KREMEN1: variants seen among roughly 807,000 people sequenced by gnomAD.
The protein encoded by KREMEN1 is kringle containing transmembrane protein 1.
KREMEN1 carries 30 observed loss-of-function variants against 46.5 expected under a neutral mutation model. The observed-to-expected ratio is 0.65, with a 90% CI of 0.48 to 0.88. KREMEN1 has a LOEUF of 0.88. Ranked by LOEUF, KREMEN1 falls within the 40% of genes least tolerant of loss-of-function variation. The pLI is 0.00. For missense variants in KREMEN1, 533 were observed against 596.9 expected (o/e 0.89, Z 1.11); for synonymous variants, 214 against 230.6 (o/e 0.93, Z 0.65).
chr22:29,138,290 A>G (rs2038702438), intron 6 of KREMEN1, among the ~76,000 whole-genome samples: 1 of 152,234 alleles, frequency 6.6e-6, no homozygotes, highest in Non-Finnish European at 1.5e-5. Flanking sequence ...CTTGAGGAAC[A>G]GGTAGCATTT....
Position 29,144,277 on chromosome 22 carries a change from G to A in KREMEN1, c.*2165G>A, listed in dbSNP as rs912797956. On this transcript the variant is annotated 3_prime_UTR_variant, in exon 9 of 9. Coordinates refer to ENST00000400335, the MANE Select transcript of KREMEN1 (RefSeq NM_001039570.3). ...ACCTGCCGCCCCTGGGAGGAAAGAG[G>A]GCCACACAGGAAGTGTCTGCAGGGA... 4.5e-5 allele frequency: 44 copies of A among 985,540 alleles called. No individual in the cohort carries two copies. Among genetic ancestry groups the A allele is most frequent in the Admixed American group, 3.7e-4 (6 of 16,272 alleles). The allele number at this position is 985,540 out of a possible 1,614,324, so 61.0% of individuals were successfully genotyped here.
chr22:29,155,936 G>A (rs182545700), intron 9 of KREMEN1, among the ~76,000 whole-genome samples: 12 of 149,612 alleles, frequency 8.0e-5, no homozygotes, highest in Non-Finnish European at 1.8e-4. Context: ...TCCAGCCTGG[G>A]CAACAAGAGT....
chr22:29,086,451 G>T (rs2037729941), intron 1 of KREMEN1, among the ~76,000 whole-genome samples: 1 of 152,134 alleles, frequency 6.6e-6, no homozygotes. Flanking sequence ...TGTAATTGTA[G>T]AAATCACTGC....
chr22:29,090,782 T>C (rs925644666), intron 1 of KREMEN1, among the ~76,000 whole-genome samples: 1 of 152,188 alleles, frequency 6.6e-6, no homozygotes, highest in Non-Finnish European at 1.5e-5. Flanking sequence ...CTTTTCTCTG[T>C]AATTGATATG....
intron 5 of KREMEN1, among the ~76,000 whole-genome samples, chr22:29,128,659 C>G (rs555935244): frequency 9.8e-5 from 15 of 152,324 alleles, no homozygotes; most frequent in African/African-American, 3.4e-4. Flanking sequence ...ATTATAACAA[C>G]AATTATTGCT....
chr22:29,120,551 A>C (rs1284234848), intron 3 of KREMEN1, among the ~76,000 whole-genome samples: 1 of 147,996 alleles, frequency 6.8e-6, no homozygotes, highest in Non-Finnish European at 1.5e-5. Flanking sequence ...GGGAGAGGTG[A>C]CGATGGAAAC....
chr22:29,144,804 C>T lies in KREMEN1; in HGVS notation c.*2692C>T, dbSNP rs1030996341. 97 of 985,452 alleles carry T rather than the reference C, an allele frequency of 9.8e-5. No homozygotes were observed. The highest frequency in any genetic ancestry group is 1.1e-4 in the Non-Finnish European group (94 of 830,020). The allele number at this position is 985,452 out of a possible 1,614,324, so 61.0% of individuals were successfully genotyped here. On this transcript the variant is annotated 3_prime_UTR_variant, in exon 9 of 9. Transcript: ENST00000400335. ...GCAGCCCAAATGCCCACCTTGCCCT[C>T]CTCACATCTCAGTCAGGGGAGGCCA...
chr22:29,164,815 A>T (rs2039040316), intron 9 of KREMEN1, among the ~76,000 whole-genome samples: 1 of 150,470 alleles, frequency 6.6e-6, no homozygotes, highest in South Asian at 2.1e-4. Context: ...TGGGTCAGGG[A>T]TTCAAGAGCA....
At chr22:29,117,823 GAATT>G (rs1464182681) in intron 3 of KREMEN1, among the ~76,000 whole-genome samples, 1 of 152,144 alleles carries the variant, frequency 6.6e-6, no homozygotes, top group African/African-American at 2.4e-5. Context: ...GACCCATGAT[GAATT>G]AATTTCTTTA....
At position 29,127,714 on chromosome 22, in the gene KREMEN1, C is replaced by T. The variant is rs141586915; in HGVS notation, c.631+2298C>T. On this transcript the variant is annotated intron_variant, in intron 5 of 8. Coordinates refer to ENST00000400335, the MANE Select transcript of KREMEN1 (RefSeq NM_001039570.3). ...ACGTGAACAGAGAGTAACTGTATGACCCAGCAATTCCATTCTTAGGTATAT... is the reference window on the plus strand; with the variant it reads ...ACGTGAACAGAGAGTAACTGTATGATCCAGCAATTCCATTCTTAGGTATAT... Among the ~76,000 whole-genome samples the T allele has an allele frequency of 3.5e-3, 536 of 151,956 alleles. 7 individuals are homozygous for T. The East Asian group carries it at 0.038, about 11-fold the overall frequency.
intron 2 of KREMEN1, among the ~76,000 whole-genome samples, chr22:29,095,905 A>G (rs753572013): frequency 3.9e-5 from 6 of 152,050 alleles, no homozygotes; most frequent in Non-Finnish European, 7.4e-5. Flanking sequence ...CACCACAAAT[A>G]TATGTGGTTT....
chr22:29,131,638 ATGTG>A (rs1159415924), intron 5 of KREMEN1, among the ~76,000 whole-genome samples: 1 of 125,766 alleles, frequency 8.0e-6, no homozygotes, highest in South Asian at 2.8e-4. Flanking sequence ...ATGTATATAT[ATGTG>A]TGTATATATA....
rs116391740 is a variant in KREMEN1, at chr22:29,106,535, G to A, written c.352+7582G>A. Reference sequence around the variant, plus strand: ...TTTTCAACAATCCTATGAAGCAGGTGGCATGTCTACTCTCCCGCCTCCATT... The same window carrying A: ...TTTTCAACAATCCTATGAAGCAGGTAGCATGTCTACTCTCCCGCCTCCATT... On this transcript the variant is annotated intron_variant, in intron 3 of 8. Transcript: ENST00000400335. Among the ~76,000 whole-genome samples the A allele has an allele frequency of 8.2e-3, 1,243 of 152,150 alleles. 15 individuals carry two copies. The highest frequency in any genetic ancestry group is 0.028 in the African/African-American group (1,165 of 41,506).
At chr22:29,141,880 C>T (rs1428248779) in intron 8 of KREMEN1, 64 bp from the exon 9 acceptor site, 11 of 1,311,764 alleles carry the variant, frequency 8.4e-6, no homozygotes, top group South Asian at 4.5e-5. Flanking sequence ...TACAGTATCT[C>T]GTGAGATGGT....
intron 3 of KREMEN1, among the ~76,000 whole-genome samples, chr22:29,107,402 T>C (rs769559165): frequency 5.9e-5 from 9 of 152,014 alleles, no homozygotes; most frequent in African/African-American, 1.2e-4. Flanking sequence ...TTTGTATTTT[T>C]AGTAGAGACG....
At chr22:29,089,107 T>C (rs1202815690) in intron 1 of KREMEN1, among the ~76,000 whole-genome samples, 1 of 152,224 alleles carries the variant, frequency 6.6e-6, no homozygotes, top group African/African-American at 2.4e-5. Context: ...CTATTCTCTC[T>C]ACACGTAAGT....
chr22:29,131,214 C>T (rs2038528200), intron 5 of KREMEN1, among the ~76,000 whole-genome samples: 1 of 152,016 alleles, frequency 6.6e-6, no homozygotes, highest in African/African-American at 2.4e-5. Context: ...GATGAATAAA[C>T]TGAGATATAC....
chr22:29,163,948 T>TG (rs2039032819), intron 9 of KREMEN1, among the ~76,000 whole-genome samples: 2 of 151,088 alleles, frequency 1.3e-5, no homozygotes. Flanking sequence ...AACGAGGTCT[T>TG]GCTATGTTGC....
At chr22:29,093,708 C>A (rs947285934) in intron 1 of KREMEN1, among the ~76,000 whole-genome samples, 10 of 152,216 alleles carry the variant, frequency 6.6e-5, no homozygotes, top group African/African-American at 2.4e-4. Flanking sequence ...TTCTTCATTA[C>A]CAGGGAATGT....
Sources: gnomAD v4.1 joint callset for allele counts (sites outside exome capture counted in the v4.1 genomes callset) on GRCh38, gnomAD v4.1.1 for gene constraint, MANE v1.5 for transcripts, NCBI Gene and HGNC (gene_info 2026-07-23, HGNC 2026-07-21) for gene names.